YTHDF2: variants seen among roughly 807,000 people sequenced by gnomAD.
YTHDF2 encodes the protein YTH N6-methyladenosine RNA binding protein F2.
Under a neutral mutation model 50.4 loss-of-function variants are expected in YTHDF2, and 2 were observed. The observed-to-expected ratio is 0.04, with a 90% CI of 0.02 to 0.12. YTHDF2 has a LOEUF of 0.12. Among genes scored for constraint, YTHDF2 ranks in the 10% least tolerant of loss-of-function variants. The probability of loss-of-function intolerance (pLI) is 1.00; values close to 1 mark genes in which losing one functional copy is unlikely to be tolerated. For missense variants in YTHDF2, 483 were observed against 722.6 expected, an observed-to-expected ratio of 0.67 and a Z score of 3.80; for synonymous variants, 217 against 255.6, an observed-to-expected ratio of 0.85 and a Z score of 1.44.
intron 4 of YTHDF2, among the ~76,000 whole-genome samples, chr1:28,749,983 G>GTTTTTTTTT (rs1374878554): frequency 1.8e-5 from 1 of 55,258 alleles, no homozygotes; most frequent in African/African-American, 5.6e-5. Context: ...GAAAAAAAAG[G>GTTTTTTTTT]TTGTTTTTTT....
upstream of YTHDF2, chr1:28,736,665 C>A (rs1318000): frequency 0.013 from 2,082 of 166,400 alleles, 26 homozygotes; most frequent in Middle Eastern, 0.04. Context: ...CGACCCTGGT[C>A]GTCCCAAACC....
At position 28,738,478 on chromosome 1, in the gene YTHDF2, T is replaced by C. The variant is rs983284971; in HGVS notation, c.132+140T>C. Reference sequence around the variant, plus strand: ...CTGTTTTTTTGAGACTGAGTCTCGCTCTGACGCCCAGGCTGGGGTGTAGTG... The same window carrying C: ...CTGTTTTTTTGAGACTGAGTCTCGCCCTGACGCCCAGGCTGGGGTGTAGTG... On this transcript the variant is annotated intron_variant, in intron 3 of 4. Transcript: ENST00000373812. 7.6e-6 allele frequency: 6 copies of C among 788,364 alleles called. No individual in the cohort carries two copies. The African/African-American group carries it at 8.8e-5, about 12-fold the overall frequency. 48.8% of individuals were successfully genotyped at this position (788,364 alleles called of 1,614,324 possible).
intron 4 of YTHDF2, among the ~76,000 whole-genome samples, chr1:28,756,787 T>TTGCC (rs147570839): frequency 9.9e-4 from 151 of 152,006 alleles, no homozygotes; most frequent in African/African-American, 3.3e-3. Flanking sequence ...AGCATTGGCT[T>TTGCC]TGCCTGCCTG....
At chr1:28,760,653 T>G (rs1372469394) in intron 4 of YTHDF2, among the ~76,000 whole-genome samples, 1 of 151,960 alleles carries the variant, frequency 6.6e-6, no homozygotes, top group Admixed American at 6.6e-5. Flanking sequence ...TTTTGGCTGC[T>G]TACTGCAGCC....
intron 4 of YTHDF2, among the ~76,000 whole-genome samples, chr1:28,756,086 T>C (rs1399488589): frequency 1.3e-5 from 2 of 152,202 alleles, no homozygotes; most frequent in Non-Finnish European, 2.9e-5. Flanking sequence ...CAAAAGACTC[T>C]GCATGTTTCT....
chr1:28,738,199 C>T, intron 2 of YTHDF2, 60 bp from the exon 3 acceptor site: 1 of 1,381,518 alleles, frequency 7.2e-7, no homozygotes, highest in South Asian at 1.2e-5. Context: ...CATATATGAA[C>T]TAATTTGAAA....
At chr1:28,763,610 C>G (rs1010428673) in intron 4 of YTHDF2, among the ~76,000 whole-genome samples, 87 of 152,134 alleles carry the variant, frequency 5.7e-4, no homozygotes, top group African/African-American at 2.0e-3. Flanking sequence ...TGTGTGCCAC[C>G]ATGCCCAACT....
chr1:28,737,472 C>T (rs1352899886), intron 1 of YTHDF2, 186 bp from the exon 2 acceptor site: 5 of 795,642 alleles, frequency 6.3e-6, no homozygotes, highest in Admixed American at 3.2e-5. Context: ...GCGTTTTCTC[C>T]CCTGCCCCAC....
chr1:28,767,850 C>T (rs960841617), intron 4 of YTHDF2, among the ~76,000 whole-genome samples: 1 of 32 alleles, frequency 0.031, no homozygotes, highest in Non-Finnish European at 0.083. Flanking sequence ...CCATGTTGGC[C>T]AGGATGTCTC....
upstream of YTHDF2, chr1:28,736,876 C>G: frequency 1.3e-5 from 6 of 463,528 alleles, no homozygotes; most frequent in African/African-American, 2.1e-5. Flanking sequence ...CGGCGCTCTG[C>G]TTTAGGCGGT....
At chr1:28,767,483 CATTTTATTTATTTTT>C (rs1283178528) in intron 4 of YTHDF2, among the ~76,000 whole-genome samples, 3 of 151,956 alleles carry the variant, frequency 2.0e-5, no homozygotes, top group East Asian at 1.9e-4. Context: ...GGTGGAATTT[CATTTTATTTATTTTT>C]ATTTTATTTA....
intron 4 of YTHDF2, among the ~76,000 whole-genome samples, chr1:28,748,373 G>GT (rs1191686379): frequency 2.0e-5 from 3 of 152,186 alleles, no homozygotes; most frequent in African/African-American, 7.2e-5. Context: ...TAGGTGAAGT[G>GT]TTTGTGTGTG....
rs749321426 is a variant in YTHDF2 at position 28,765,612 on chromosome 1, TTTGTTGTTG to T, written c.1717-3303_1717-3295del. ...CACCACCACACCCAGCTAAGTTAAA[TTTGTTGTTG>T]TTGTTGTTGTTGTAGAGACAGGGTC... On this transcript the variant is annotated intron_variant, in intron 4 of 4. Transcript: ENST00000373812. Among the ~76,000 whole-genome samples, 3 of 151,478 alleles carry T rather than the reference TTTGTTGTTG, an allele frequency of 2.0e-5. 1 individual carries two copies. Among genetic ancestry groups the T allele is most frequent in the South Asian group, 4.2e-4 (2 of 4,778 alleles).
intron 3 of YTHDF2, among the ~76,000 whole-genome samples, chr1:28,741,161 C>G (rs1204304527): frequency 6.6e-6 from 1 of 152,062 alleles, no homozygotes; most frequent in Non-Finnish European, 1.5e-5. Context: ...CCACGCCTGG[C>G]TAATTTTTGT....
At chr1:28,737,267 G>A in intron 1 of YTHDF2, 120 bp downstream of exon 1, 3 of 1,349,630 alleles carry the variant, frequency 2.2e-6, no homozygotes, top group African/African-American at 1.5e-5. Flanking sequence ...TTGCGGGCCA[G>A]GTTTCGGGCC....
chr1:28,736,710 G>A (rs1437731018), upstream of YTHDF2: 4 of 231,640 alleles, frequency 1.7e-5, no homozygotes, highest in South Asian at 4.9e-5. Flanking sequence ...TGGGGGCGGG[G>A]AGGCCGTGAG....
rs1234127747 is a variant in YTHDF2, at chr1:28,764,063, C to T, written c.1717-4866C>T. Among the ~76,000 whole-genome samples, 5 of 151,250 alleles carry T rather than the reference C, an allele frequency of 3.3e-5. No individual in the cohort carries two copies. The East Asian group carries it at 7.7e-4, about 23-fold the overall frequency. ...CTCCCAGGTTCAAGCGATTTTCCTGCCTCAGCCTTCCTAGTAGCTGGGATT... is the reference window on the plus strand; with the variant it reads ...CTCCCAGGTTCAAGCGATTTTCCTGTCTCAGCCTTCCTAGTAGCTGGGATT... On this transcript the variant is annotated intron_variant, in intron 4 of 4. Transcript: ENST00000373812.
chr1:28,748,671 G>A (rs1468575797), intron 4 of YTHDF2, among the ~76,000 whole-genome samples: 2 of 152,216 alleles, frequency 1.3e-5, no homozygotes, highest in South Asian at 2.1e-4. Flanking sequence ...TTTGATAGAT[G>A]TGACTTACTT....
Position 28,743,182 on chromosome 1 carries a change from T to C in YTHDF2, c.912T>C (p.Pro304=), listed in dbSNP as rs1476648011. 3 of 1,614,040 alleles carry C rather than the reference T, an allele frequency of 1.9e-6. No individual in the cohort carries two copies. Among genetic ancestry groups the C allele is most frequent in the Non-Finnish European group, 2.5e-6 (3 of 1,180,038 alleles). The change falls in exon 4 of 5, where the codon CCT becomes CCC. Residue 304 remains proline, a synonymous_variant. Coordinates refer to ENST00000373812, the MANE Select transcript of YTHDF2 (RefSeq NM_016258.3). This position sits in a 1 kb window ranked among gnomAD's most constrained non-coding sequence, Gnocchi z 6.9. ...TAGGTCAGCCAACCCAGGGGTCTCC[T>C]CAGCCTGTAGGTCAGCAGGCTAACA... ...QNIGQPTQGS[P]QPVGQQANNS...
Sources: allele counts gnomAD v4.1 joint callset (sites outside exome capture counted in the v4.1 genomes callset), GRCh38; gene constraint gnomAD v4.1.1; non-coding constraint Gnocchi (gnomAD v3.1); transcripts MANE v1.5; gene names NCBI Gene and HGNC (gene_info 2026-07-23, HGNC 2026-07-21).